Variants in PUM2 observed in about 807,000 individuals in gnomAD.
The protein encoded by PUM2 is pumilio RNA binding family member 2.
A neutral mutation model predicts 124.5 loss-of-function variants in PUM2; 57 were observed. The observed-to-expected ratio is 0.46, with a 90% CI of 0.37 to 0.57. The LOEUF is 0.57. Ranked by LOEUF, PUM2 falls within the 20% of genes least tolerant of loss-of-function variation. The pLI is 0.00. For synonymous variants in PUM2, 460 were observed against 446.1 expected, an observed-to-expected ratio of 1.03 and a Z score of -0.39; for missense variants, 1,065 against 1,290.6, an observed-to-expected ratio of 0.83 and a Z score of 2.68.
At chr2:20,260,729 AATT>A (rs1665982300) in intron 14 of PUM2, among the ~76,000 whole-genome samples, 1 of 152,182 alleles carries the variant, frequency 6.6e-6, no homozygotes, top group African/African-American at 2.4e-5. Context: ...TCAATAAGAA[AATT>A]ACGTAAATTT....
At position 20,249,372 on chromosome 2, in the gene PUM2, G is replaced by T. The variant is rs867129575; in HGVS notation, c.*2213C>A. On this transcript the variant is annotated 3_prime_UTR_variant, in exon 21 of 21. Coordinates refer to ENST00000361078, the MANE Select transcript of PUM2 (RefSeq NM_015317.5). The stretch of plus-strand genomic sequence containing the variant: ...GTAAAGTAGGAAAAAGTGAGACAGC[G>T]GCTTTGTGTGGGTTTTAAAAAAATG... The T allele has an allele frequency of 6.6e-6, 1 of 152,566 alleles. No homozygotes were observed. The highest frequency in any genetic ancestry group is 6.6e-5 in the Admixed American group (1 of 15,266). 9.5% of individuals were successfully genotyped at this position (152,566 alleles called of 1,614,324 possible).
At chr2:20,288,883 C>G (rs976017734) in intron 10 of PUM2, among the ~76,000 whole-genome samples, 2 of 152,174 alleles carry the variant, frequency 1.3e-5, no homozygotes, top group Non-Finnish European at 2.9e-5. Flanking sequence ...CCAAAAGTCA[C>G]TGAAACATAC....
chr2:20,270,493 T>C (rs1668770045), intron 13 of PUM2, among the ~76,000 whole-genome samples: 1 of 152,106 alleles, frequency 6.6e-6, no homozygotes, highest in Non-Finnish European at 1.5e-5. Flanking sequence ...TCTCTCTTGA[T>C]GGGGTCATTG....
intron 7 of PUM2, among the ~76,000 whole-genome samples, chr2:20,302,351 G>A (rs1380729726): frequency 3.3e-5 from 5 of 152,116 alleles, no homozygotes; most frequent in South Asian, 2.1e-4. Flanking sequence ...CTGAAGACTC[G>A]CCAACCTAAT....
At position 20,263,185 on chromosome 2, in the gene PUM2, T is replaced by C. The variant is rs1255766765; in HGVS notation, c.2225+8A>G. The C allele has an allele frequency of 2.5e-6, 4 of 1,576,540 alleles. No individual in the cohort carries two copies. Among genetic ancestry groups the C allele is most frequent in the African/African-American group, 2.7e-5 (2 of 73,904 alleles). ...AAAAATGAAGTGAGAAATATCATAA[T>C]CACCTACCTAGAACCATGCTGGTCT... On this transcript the variant is annotated splice_region_variant and intron_variant, in intron 14 of 20. Coordinates refer to ENST00000361078, the MANE Select transcript of PUM2 (RefSeq NM_015317.5).
At chr2:20,298,833 CG>C (rs1256061546) in intron 7 of PUM2, among the ~76,000 whole-genome samples, 1 of 152,052 alleles carries the variant, frequency 6.6e-6, no homozygotes. Flanking sequence ...GGCGAGACTC[CG>C]TCTCAGAATA....
intron 8 of PUM2, among the ~76,000 whole-genome samples, chr2:20,294,827 C>T (rs549592627): frequency 1.2e-4 from 18 of 152,318 alleles, no homozygotes; most frequent in African/African-American, 4.1e-4. Flanking sequence ...TCAGGGAACA[C>T]AGATTCCATA....
At chr2:20,350,355 G>T in intron 1 of PUM2, 1 of 620,772 alleles carries the variant, frequency 1.6e-6, no homozygotes, top group Non-Finnish European at 2.0e-6. Flanking sequence ...CCCCGCAGAG[G>T]GAAGGAAGCG....
At chr2:20,308,185 A>G (rs930987204) in intron 6 of PUM2, 114 bp from the exon 7 acceptor site, 48 of 1,469,886 alleles carry the variant, frequency 3.3e-5, no homozygotes, top group Non-Finnish European at 4.1e-5. Context: ...TCTCAAATAC[A>G]GGACACTTTA....
intron 6 of PUM2, 45 bp from the exon 7 acceptor site, chr2:20,308,116 T>C (rs2148536254): frequency 6.4e-7 from 1 of 1,571,702 alleles, no homozygotes; most frequent in South Asian, 1.1e-5. Context: ...TCAAAATCTT[T>C]CATTTCTAAT....
intron 10 of PUM2, among the ~76,000 whole-genome samples, chr2:20,285,971 G>A (rs1672621683): frequency 6.6e-6 from 1 of 152,080 alleles, no homozygotes; most frequent in Admixed American, 6.5e-5. Context: ...GATATCTGTA[G>A]GAAGGCATCT....
chr2:20,333,032 TA>T (rs1173038131), intron 1 of PUM2: 2 of 152,208 alleles, frequency 1.3e-5, no homozygotes, highest in Non-Finnish European at 2.9e-5. Context: ...ATATTTGAAT[TA>T]AAAAGTCATT....
intron 13 of PUM2, among the ~76,000 whole-genome samples, chr2:20,276,297 T>C (rs2148802826): frequency 6.6e-6 from 1 of 150,734 alleles, no homozygotes; most frequent in South Asian, 2.1e-4. Context: ...AGACTGTTGC[T>C]ACTGGGCATT....
intron 13 of PUM2, among the ~76,000 whole-genome samples, chr2:20,267,466 C>T (rs1198991156): frequency 6.6e-6 from 1 of 152,146 alleles, no homozygotes; most frequent in Admixed American, 6.5e-5. Context: ...TTGCAATTTT[C>T]CCATTAGTCT....
intron 1 of PUM2, among the ~76,000 whole-genome samples, chr2:20,343,259 T>C (rs987294521): frequency 1.3e-5 from 2 of 152,184 alleles, no homozygotes; most frequent in African/African-American, 2.4e-5. Flanking sequence ...CTGGGTGTAC[T>C]GGTACATGCC....
At position 20,311,559 on chromosome 2, in the gene PUM2, A is replaced by T; in HGVS notation, c.453T>A (p.Asp151Glu). 3 of 1,613,476 alleles carry T rather than the reference A, an allele frequency of 1.9e-6. No individual in the cohort carries two copies. The highest frequency in any genetic ancestry group is 2.5e-6 in the Non-Finnish European group (3 of 1,179,632). The change falls in exon 5 of 21, where the codon GAT becomes GAA. Residue 151 changes from aspartate (D) to glutamate (E), a missense_variant. By Grantham distance (45) the Asp-to-Glu change is conservative. Around this residue, in one of 3 missense-constraint regions of PUM2, gnomAD observed 968 missense variants for 1,159.8 expected, o/e 0.83. Transcript: ENST00000361078. The part of the protein sequence containing the change: ...DQNRDLKQGD[D>E]DDSKINGRGL... ...CTCTGCCATTTATTTTAGAATCATC[A>T]TCATCTCCTTGTTTAAGATCTCTGT...
chr2:20,255,047 G>A (rs1175847481), intron 18 of PUM2, 63 bp from the exon 19 acceptor site: 1 of 1,548,334 alleles, frequency 6.5e-7, no homozygotes, highest in Non-Finnish European at 8.8e-7. Flanking sequence ...ATTCTTTAAA[G>A]ACATGTTAAT....
At chr2:20,255,618 T>G (rs1664584969) in intron 17 of PUM2, among the ~76,000 whole-genome samples, 1 of 152,150 alleles carries the variant, frequency 6.6e-6, no homozygotes. Flanking sequence ...TGGGAATGAA[T>G]GGGTGAAAAG....
At chr2:20,255,420 T>G (rs1195008586) in intron 17 of PUM2, 79 bp from the exon 18 acceptor site, 21 of 1,446,264 alleles carry the variant, frequency 1.5e-5, no homozygotes, top group Middle Eastern at 1.8e-4. Flanking sequence ...GGTTTGTTTT[T>G]TTTTTTTTTG....
Sources: gnomAD v4.1 joint callset for allele counts (sites outside exome capture counted in the v4.1 genomes callset) on GRCh38, gnomAD v4.1.1 for gene constraint, gnomAD v4.1.1 regional missense constraint, MANE v1.5 for transcripts, NCBI Gene and HGNC (gene_info 2026-07-23, HGNC 2026-07-21) for gene names.